CDH13: variants seen among roughly 807,000 people sequenced by gnomAD.
The protein encoded by CDH13 is cadherin-13.
Under a neutral mutation model 63.8 loss-of-function variants are expected in CDH13, and 24 were observed. The observed-to-expected ratio is 0.38, with a 90% CI of 0.27 to 0.53. The LOEUF is 0.53. CDH13 is among the 20% of genes least tolerant of loss of function. The pLI is 0.85. For synonymous variants in CDH13, 503 were observed against 355.3 expected (o/e 1.42, Z -4.67); for missense variants, 1,049 against 903.1 (o/e 1.16, Z -2.07).
chr16:83,228,613 C>T (rs773798138), intron 5 of CDH13, among the ~76,000 whole-genome samples: 9 of 152,124 alleles, frequency 5.9e-5, no homozygotes, highest in Admixed American at 2.0e-4. Flanking sequence ...GAGACAGAGA[C>T]GCGGACGGGG....
At chr16:82,790,387 A>T (rs2036241668) in intron 1 of CDH13, among the ~76,000 whole-genome samples, 1 of 152,124 alleles carries the variant, frequency 6.6e-6, no homozygotes, top group African/African-American at 2.4e-5. Context: ...GTGAGCCAAG[A>T]TCGCACCACT....
intron 10 of CDH13, among the ~76,000 whole-genome samples, chr16:83,719,592 C>T (rs1909409322): frequency 6.6e-6 from 1 of 152,256 alleles, no homozygotes. Context: ...AGCTACCGAG[C>T]GCTTCCTGCA....
rs188695688 is a variant in CDH13, at chr16:83,047,483, C to T, written c.366+15265C>T. ...TTGTTATCTGTAATTTCCTCTTTCC[C>T]TCAGGCCTTTGCGTAATATTTTCTC... On this transcript the variant is annotated intron_variant, in intron 3 of 13. Transcript: ENST00000567109. The surrounding 1 kb of genome is among the most constrained non-coding windows in gnomAD (Gnocchi z 4.9). Among the ~76,000 whole-genome samples, 144 of 152,206 alleles carry T rather than the reference C, an allele frequency of 9.5e-4. No individual in the cohort carries two copies. Among genetic ancestry groups the T allele is most frequent in the African/African-American group, 3.1e-3 (130 of 41,520 alleles).
chr16:83,104,510 A>T lies in CDH13; in HGVS notation c.367-20875A>T, dbSNP rs192230327. ...ATAAAAGAGAAATTATTGTTTAAGT[A>T]GGTTAAGGCAACCCTAGTGTTTTAA... On this transcript the variant is annotated intron_variant, in intron 3 of 13. Transcript: ENST00000567109. Among the ~76,000 whole-genome samples the T allele has an allele frequency of 1.1e-3, 169 of 151,950 alleles. 1 individual carries two copies. The highest frequency in any genetic ancestry group is 0.01 in the South Asian group (48 of 4,792).
At chr16:83,731,406 T>A (rs1911031301) in intron 10 of CDH13, among the ~76,000 whole-genome samples, 1 of 152,238 alleles carries the variant, frequency 6.6e-6, no homozygotes, top group African/African-American at 2.4e-5. Context: ...TGCATTTCTC[T>A]GAGGATTAGT....
Position 83,689,989 on chromosome 16 carries a change from C to A in CDH13, c.1538+11528C>A, listed in dbSNP as rs528905480. ...TCACCTGAGGTCAGGAATTTGAGAC[C>A]AGCCTGACCAACATGGTGAAACCCC... On this transcript the variant is annotated intron_variant, in intron 10 of 13. Transcript: ENST00000567109. Among the ~76,000 whole-genome samples the A allele has an allele frequency of 1.3e-3, 200 of 152,250 alleles. 1 individual carries two copies. The highest frequency in any genetic ancestry group is 4.4e-3 in the African/African-American group (183 of 41,534).
chr16:83,614,298 C>G (rs1425738723), intron 8 of CDH13, among the ~76,000 whole-genome samples: 1 of 152,118 alleles, frequency 6.6e-6, no homozygotes, highest in African/African-American at 2.4e-5. Flanking sequence ...CCCAGTGTTC[C>G]CTTCTCCTCG....
chr16:83,473,027 A>G (rs116741460), intron 6 of CDH13, among the ~76,000 whole-genome samples: 3,834 of 152,216 alleles, frequency 0.025, 165 homozygotes, highest in African/African-American at 0.087. Context: ...TGGCCTGGAA[A>G]AAGCTACCCC....
Position 83,499,833 on chromosome 16 carries a change from G to A in CDH13, c.960+13178G>A, listed in dbSNP as rs969896301. ...ATCTTTTTTTTTGAGACGAAGTCTC[G>A]CTATTATTGCTCAAGCTGTAGTGCA... On this transcript the variant is annotated intron_variant, in intron 7 of 13. Coordinates refer to ENST00000567109, the MANE Select transcript of CDH13 (RefSeq NM_001257.5). Among the ~76,000 whole-genome samples the A allele has an allele frequency of 1.1e-4, 16 of 151,658 alleles. No individual in the cohort carries two copies. The South Asian group carries it at 1.7e-3, about 16-fold the overall frequency.
chr16:82,676,303 C>T (rs767724452), intron 1 of CDH13, among the ~76,000 whole-genome samples: 10 of 152,092 alleles, frequency 6.6e-5, no homozygotes, highest in Non-Finnish European at 1.5e-4. Flanking sequence ...GATCTTCCCT[C>T]CTAAACTCAA....
At chr16:83,781,982 G>A (rs2113148) in intron 12 of CDH13, among the ~76,000 whole-genome samples, 20,606 of 151,920 alleles carry the variant, frequency 0.14, 1,916 homozygotes, top group East Asian at 0.43. Context: ...AAAGGAAGAT[G>A]GGAAAATGCT....
chr16:82,956,986 GAC>G (rs1169536281), intron 2 of CDH13, among the ~76,000 whole-genome samples: 2 of 152,120 alleles, frequency 1.3e-5, no homozygotes, highest in African/African-American at 4.8e-5. Context: ...GGGGTGGAGA[GAC>G]ATAAATCTAT....
intron 2 of CDH13, among the ~76,000 whole-genome samples, chr16:82,895,583 A>G (rs1027259756): frequency 6.6e-6 from 1 of 152,092 alleles, no homozygotes; most frequent in African/African-American, 2.4e-5. Context: ...TATGCGCTGT[A>G]TGGGTTGGGA....
intron 1 of CDH13, among the ~76,000 whole-genome samples, chr16:82,854,561 A>G (rs986809127): frequency 2.0e-5 from 3 of 152,222 alleles, no homozygotes; most frequent in African/African-American, 7.2e-5. Flanking sequence ...GATGTGTTAC[A>G]TGAAACTCAA....
chr16:82,902,810 T>A (rs7205339), intron 2 of CDH13, among the ~76,000 whole-genome samples: 54,918 of 151,970 alleles, frequency 0.36, 10,338 homozygotes, highest in African/African-American at 0.4. Context: ...AGCCAGAAGA[T>A]GTCTGCCTTG....
intron 8 of CDH13, among the ~76,000 whole-genome samples, chr16:83,618,369 G>A (rs917299600): frequency 6.6e-6 from 1 of 150,638 alleles, no homozygotes; most frequent in African/African-American, 2.4e-5. Flanking sequence ...AGGTTGCAGT[G>A]AGCCAAGATT....
At chr16:82,653,206 G>A (rs1910931758) in intron 1 of CDH13, among the ~76,000 whole-genome samples, 1 of 152,100 alleles carries the variant, frequency 6.6e-6, no homozygotes, top group African/African-American at 2.4e-5. Context: ...GGGGGTGGGT[G>A]GATGGTTTCT....
intron 10 of CDH13, among the ~76,000 whole-genome samples, chr16:83,688,888 A>C (rs901745999): frequency 6.6e-6 from 1 of 152,160 alleles, no homozygotes; most frequent in Admixed American, 6.5e-5. Flanking sequence ...TCACAAATTA[A>C]ACTATGGGAT....
At chr16:83,573,938 C>T (rs1461341310) in intron 7 of CDH13, among the ~76,000 whole-genome samples, 1 of 152,116 alleles carries the variant, frequency 6.6e-6, no homozygotes, top group African/African-American at 2.4e-5. Flanking sequence ...GACCATCTTG[C>T]TCCAGATTTC....
Sources: allele counts gnomAD v4.1 joint callset (sites outside exome capture counted in the v4.1 genomes callset), GRCh38; gene constraint gnomAD v4.1.1; non-coding constraint Gnocchi (gnomAD v3.1); transcripts MANE v1.5; gene names NCBI Gene and HGNC (gene_info 2026-07-23, HGNC 2026-07-21).